Variants in PHLPP1 observed in about 807,000 individuals in gnomAD.
PHLPP1 encodes PH domain leucine-rich repeat-containing protein phosphatase 1.
Under a neutral mutation model 117.2 loss-of-function variants are expected in PHLPP1, and 42 were observed. The observed-to-expected ratio is 0.36, with a 90% CI of 0.28 to 0.46. PHLPP1 has a LOEUF of 0.46. Ranked by LOEUF, PHLPP1 falls within the 20% of genes least tolerant of loss-of-function variation. The pLI is 1.00. For synonymous variants in PHLPP1, 1,042 were observed against 970.7 expected (o/e 1.07, Z -1.37); for missense variants, 2,084 against 2,241.9 (o/e 0.93, Z 1.42).
In PHLPP1 at chr18:62,912,357, A is replaced by T. The variant is rs887850592; in HGVS notation, c.2709-2556A>T. Reference sequence around the variant, plus strand: ...AAAAACCTGATCCATCAAAAAAAAAATTTTTTTTTATTATAAATATATAAT... The same window carrying T: ...AAAAACCTGATCCATCAAAAAAAAATTTTTTTTTTATTATAAATATATAAT... On this transcript the variant is annotated intron_variant, in intron 8 of 16. Coordinates refer to ENST00000262719, the MANE Select transcript of PHLPP1 (RefSeq NM_194449.4). Among the ~76,000 whole-genome samples the T allele has an allele frequency of 8.0e-4, 117 of 146,988 alleles. 1 individual carries two copies. The highest frequency in any genetic ancestry group is 1.7e-3 in the Admixed American group (25 of 14,806).
At position 62,721,990 on chromosome 18, in the gene PHLPP1, A is replaced by G. The variant is rs560439741; in HGVS notation, c.1576+4731A>G. ...TTTTAGTTTAACATTTGTTGAATTT[A>G]ATTTGTGGAATTTTGTTAAGCAGCT... On this transcript the variant is annotated intron_variant, in intron 1 of 16. Coordinates refer to ENST00000262719, the MANE Select transcript of PHLPP1 (RefSeq NM_194449.4). Among the ~76,000 whole-genome samples the G allele has an allele frequency of 2.6e-5, 4 of 152,250 alleles. No homozygotes were observed. The South Asian group carries it at 8.3e-4, about 32-fold the overall frequency.
chr18:62,882,564 CT>C (rs1169078077), intron 4 of PHLPP1, among the ~76,000 whole-genome samples: 1 of 152,120 alleles, frequency 6.6e-6, no homozygotes, highest in Admixed American at 6.5e-5. Context: ...CGGCCATTCA[CT>C]TAACTATAGT....
chr18:62,782,319 G>A (rs948061262), intron 1 of PHLPP1, among the ~76,000 whole-genome samples: 1 of 152,218 alleles, frequency 6.6e-6, no homozygotes, highest in African/African-American at 2.4e-5. Flanking sequence ...GGGTTGTGGA[G>A]AGAGAACAGA....
intron 4 of PHLPP1, among the ~76,000 whole-genome samples, chr18:62,861,575 A>G (rs1006009341): frequency 1.3e-5 from 2 of 152,372 alleles, no homozygotes; most frequent in African/African-American, 2.4e-5. Context: ...ATGTAAGACT[A>G]TGTAACTGCA....
intron 1 of PHLPP1, among the ~76,000 whole-genome samples, chr18:62,808,714 G>A (rs925096665): frequency 3.3e-5 from 5 of 152,052 alleles, no homozygotes; most frequent in Non-Finnish European, 7.4e-5. Context: ...ACCAAGCCCG[G>A]CTAATTTTTT....
chr18:62,852,181 T>A (rs36024575), intron 3 of PHLPP1, among the ~76,000 whole-genome samples: 11,776 of 152,132 alleles, frequency 0.077, 533 homozygotes, highest in Non-Finnish European at 0.1. Flanking sequence ...TGCCTGGCCC[T>A]TATTTTATTG....
At chr18:62,873,885 TAAG>T (rs1340032755) in intron 4 of PHLPP1, among the ~76,000 whole-genome samples, 1 of 152,016 alleles carries the variant, frequency 6.6e-6, no homozygotes, top group Non-Finnish European at 1.5e-5. Flanking sequence ...TGCATATACT[TAAG>T]AAAGATAAAT....
chr18:62,781,456 A>G (rs186722190), intron 1 of PHLPP1, among the ~76,000 whole-genome samples: 3 of 152,228 alleles, frequency 2.0e-5, no homozygotes, highest in Admixed American at 6.5e-5. Context: ...ACCTGGCTCT[A>G]TCACTGGGCT....
Position 62,978,270 on chromosome 18 carries a change from G to T in PHLPP1, c.3993G>T (p.Lys1331Asn). 1 of 1,592,662 alleles carries T rather than the reference G, an allele frequency of 6.3e-7. No individual in the cohort carries two copies. The highest frequency in any genetic ancestry group is 1.3e-5 in the African/African-American group (1 of 74,682). Residue 1331 changes from lysine (K) to asparagine (N), a missense_variant, in exon 17 of 17, where the codon AAG becomes AAT. Physicochemically the swap from Lys to Asn is moderately conservative, Grantham distance 94. This residue lies in a region of PHLPP1 where 1,365 missense variants were observed against 1,605.9 expected (regional missense o/e 0.85). Transcript: ENST00000262719. This position sits in a 1 kb window ranked among gnomAD's most constrained non-coding sequence, Gnocchi z 7.0. ...AACCCTTGTTCTTCCAGGATGGCAA[G>T]GTGAACGGAGTGACTGAGTCCACGC... is the stretch of plus-strand genomic sequence containing the variant. Reference protein sequence around the residue: ...QHKAIITEDGKVNGVTESTRI... With the variant: ...QHKAIITEDGNVNGVTESTRI...
intron 1 of PHLPP1, among the ~76,000 whole-genome samples, chr18:62,808,882 G>A (rs1025057417): frequency 2.0e-5 from 3 of 151,992 alleles, no homozygotes; most frequent in Admixed American, 1.3e-4. Flanking sequence ...TGATTCCCTA[G>A]TACACTGTAC....
chr18:62,841,483 C>CCTGTAG (rs1449332486), intron 3 of PHLPP1, among the ~76,000 whole-genome samples: 1 of 151,434 alleles, frequency 6.6e-6, no homozygotes, highest in Non-Finnish European at 1.5e-5. Flanking sequence ...CAGGCACATG[C>CCTGTAG]CACCATACCC....
chr18:62,976,393 A>G (rs975331884), intron 16 of PHLPP1, among the ~76,000 whole-genome samples: 2 of 152,186 alleles, frequency 1.3e-5, no homozygotes, highest in Non-Finnish European at 2.9e-5. Flanking sequence ...ATACAAAACA[A>G]AACCTCGTTG....
chr18:62,733,076 G>A (rs1197386830), intron 1 of PHLPP1, among the ~76,000 whole-genome samples: 1 of 152,196 alleles, frequency 6.6e-6, no homozygotes, highest in Non-Finnish European at 1.5e-5. Context: ...GTTGATAAAG[G>A]AGCAGCAGGG....
At chr18:62,931,878 G>GAAAAAAAAAAA (rs61550621) in intron 10 of PHLPP1, among the ~76,000 whole-genome samples, 1 of 76,470 alleles carries the variant, frequency 1.3e-5, no homozygotes, top group Non-Finnish European at 2.3e-5. Context: ...CTGGGCGACA[G>GAAAAAAAAAAA]AAAAAAAAAA....
chr18:62,856,490 T>G (rs1025305056), intron 3 of PHLPP1, among the ~76,000 whole-genome samples: 5 of 152,140 alleles, frequency 3.3e-5, no homozygotes, highest in African/African-American at 1.2e-4. Context: ...TGCAGTGGTG[T>G]GATCAAAGCT....
At chr18:62,902,919 A>G in intron 6 of PHLPP1, 45 bp from the exon 7 acceptor site, 3 of 1,172,876 alleles carry the variant, frequency 2.6e-6, no homozygotes, top group Non-Finnish European at 3.8e-6. Flanking sequence ...CCATTTACTT[A>G]TAGCATTGCA....
chr18:62,860,038 C>T (rs546174321), intron 3 of PHLPP1, among the ~76,000 whole-genome samples: 91 of 152,248 alleles, frequency 6.0e-4, no homozygotes, highest in African/African-American at 2.2e-3. Context: ...TGGTGTTAGC[C>T]AACTACACAC....
intron 1 of PHLPP1, among the ~76,000 whole-genome samples, chr18:62,758,616 T>G (rs1162408213): frequency 1.3e-5 from 2 of 152,236 alleles, no homozygotes; most frequent in African/African-American, 4.8e-5. Context: ...TGGATTGGTC[T>G]GAGGCAGAGA....
chr18:62,797,199 TC>T (rs1447834605), intron 1 of PHLPP1, among the ~76,000 whole-genome samples: 1 of 152,232 alleles, frequency 6.6e-6, no homozygotes, highest in Non-Finnish European at 1.5e-5. Flanking sequence ...CTTTTTTTAT[TC>T]CTTTTCCGAA....
Sources: gnomAD v4.1 joint callset for allele counts (sites outside exome capture counted in the v4.1 genomes callset) on GRCh38, gnomAD v4.1.1 for gene constraint, gnomAD v4.1.1 regional missense constraint, Gnocchi (gnomAD v3.1) non-coding constraint, MANE v1.5 for transcripts, NCBI Gene and HGNC (gene_info 2026-07-23, HGNC 2026-07-21) for gene names.